The following SLC35A2 variants were observed in gnomAD, a reference collection of about 807,000 sequenced individuals.
SLC35A2 encodes the protein solute carrier family 35 member A2, also known as UDP-galactose translocator.
Under a neutral mutation model 17.3 loss-of-function variants are expected in SLC35A2, and 1 was observed. The observed-to-expected ratio is 0.06, with a 90% CI of 0.02 to 0.27. SLC35A2 has a LOEUF of 0.27. Ranked by LOEUF, SLC35A2 falls within the 10% of genes least tolerant of loss-of-function variation. The pLI is 1.00. For synonymous variants in SLC35A2, 161 were observed against 161.3 expected (o/e 1.00, Z 0.01); for missense variants, 191 against 339.3 (o/e 0.56, Z 3.43).
chrX:48,903,245 G>A lies in SLC35A2; in HGVS notation c.*193C>T. On this transcript the variant is annotated 3_prime_UTR_variant, in exon 5 of 5. Coordinates refer to ENST00000247138, the MANE Select transcript of SLC35A2 (RefSeq NM_005660.3). Reference sequence around the variant, plus strand: ...CTAAGAGATAGTGTGGAGCTGGCAGGGGCTGGGGGGCTGAGCTGAGGTGGG... The same window carrying A: ...CTAAGAGATAGTGTGGAGCTGGCAGAGGCTGGGGGGCTGAGCTGAGGTGGG... 1 of 938,176 alleles carries A rather than the reference G, an allele frequency of 1.1e-6. No individual in the cohort carries two copies. Among genetic ancestry groups the A allele is most frequent in the Non-Finnish European group, 1.5e-6 (1 of 666,765 alleles). 77.3% of individuals were successfully genotyped at this position (938,176 alleles called of 1,213,427 possible).
Position 48,903,410 on chromosome X carries a change from G to T in SLC35A2, c.*28C>A, listed in dbSNP as rs1557042123. 1 of 575,575 alleles carries T rather than the reference G, an allele frequency of 1.7e-6. No homozygotes were observed. The highest frequency in any genetic ancestry group is 2.2e-5 in the South Asian group (1 of 44,664). 47.4% of individuals were successfully genotyped at this position (575,575 alleles called of 1,213,427 possible). ...GCCAAGGGCAAGAAGAGAGAACGAGGCCAGGCCAATGTCTTCAATCCCAGC... is the reference window on the plus strand; with the variant it reads ...GCCAAGGGCAAGAAGAGAGAACGAGTCCAGGCCAATGTCTTCAATCCCAGC... On this transcript the variant is annotated 3_prime_UTR_variant, in exon 5 of 5. Coordinates refer to ENST00000247138, the MANE Select transcript of SLC35A2 (RefSeq NM_005660.3).
chrX:48,905,181 G>A lies in SLC35A2; in HGVS notation c.728C>T (p.Thr243Ile), dbSNP rs1557042835. ...LRNLQLGLFGTALGLVGLWWA... is the reference protein window; with the variant it reads ...LRNLQLGLFGIALGLVGLWWA... ...CCAGAGCCCCACCAGGCCCAGTGCTGTGCCGAAGAGGCCCAGTTGCAGGTT... is the reference window on the plus strand; with the variant it reads ...CCAGAGCCCCACCAGGCCCAGTGCTATGCCGAAGAGGCCCAGTTGCAGGTT... Residue 243 changes from threonine (T) to isoleucine (I), a missense_variant, in exon 4 of 5, where the codon ACA becomes ATA. By Grantham distance (89) the Thr-to-Ile change is moderately conservative. Coordinates refer to ENST00000247138, the MANE Select transcript of SLC35A2 (RefSeq NM_005660.3). The A allele has an allele frequency of 8.3e-7, 1 of 1,209,852 alleles. No homozygotes were observed. The highest frequency in any genetic ancestry group is 1.1e-6 in the Non-Finnish European group (1 of 894,501).
In SLC35A2 at chrX:48,903,225, A is replaced by G; in HGVS notation, c.*213T>C. 3 of 1,046,583 alleles carry G rather than the reference A, an allele frequency of 2.9e-6. No homozygotes were observed. In the Admixed American group the frequency reaches 7.8e-5, roughly 27 times the overall value. 86.3% of individuals were successfully genotyped at this position (1,046,583 alleles called of 1,213,427 possible). A position where few individuals can be genotyped will look rare whatever the true frequency, so the allele number is the denominator to read the frequency against. ...TTTTATTTGCAAAAACTCAGCTAAG[A>G]GATAGTGTGGAGCTGGCAGGGGCTG... is the stretch of plus-strand genomic sequence containing the variant. On this transcript the variant is annotated 3_prime_UTR_variant, in exon 5 of 5. Transcript: ENST00000247138.
chrX:48,911,945 G>A, upstream of SLC35A2: 1 of 1,166,585 alleles, frequency 8.6e-7, no homozygotes. Context: ...GCGCTTTCCA[G>A]ATCATCCCCC....
intron 3 of SLC35A2, 95 bp downstream of exon 3, chrX:48,906,297 C>A (rs1557043077): frequency 2.5e-6 from 2 of 805,600 alleles, no homozygotes; most frequent in Admixed American, 5.2e-5. Flanking sequence ...TGACATAGCC[C>A]CTGTCCTCTG....
intron 3 of SLC35A2, 24 bp from the exon 4 acceptor site, chrX:48,905,506 C>T (rs782765976): frequency 6.2e-6 from 7 of 1,128,232 alleles, no homozygotes; most frequent in African/African-American, 1.8e-5. Flanking sequence ...GTGGAAGGCA[C>T]TGAGGGCTGA....
chrX:48,906,655 A>G lies in SLC35A2; in HGVS notation c.275-112T>C, dbSNP rs782433090. 16 of 658,332 alleles carry G rather than the reference A, an allele frequency of 2.4e-5. 1 individual carries two copies. Among genetic ancestry groups the G allele is most frequent in the Non-Finnish European group, 3.8e-5 (16 of 424,451 alleles). 54.3% of individuals were successfully genotyped at this position (658,332 alleles called of 1,213,427 possible). The stretch of plus-strand genomic sequence containing the variant: ...ACTCCCCCATCCACCCTGCTGTCCA[A>G]TCCCTGGAGGCTGGAATGAAGTATG... On this transcript the variant is annotated intron_variant, in intron 2 of 4. Coordinates refer to ENST00000247138, the MANE Select transcript of SLC35A2 (RefSeq NM_005660.3).
Position 48,904,747 on chromosome X carries a change from T to C in SLC35A2, c.1162A>G (p.Lys388Glu), listed in dbSNP as rs782085139. Residue 388 changes from lysine to glutamate, a missense_variant and splice_region_variant, in exon 4 of 5, where the codon AAG becomes GAG. Coordinates refer to ENST00000247138, the MANE Select transcript of SLC35A2 (RefSeq NM_005660.3). Reference protein sequence around the residue: ...GDLITEPFLPKLLTKVKGS With the variant: ...GDLITEPFLPELLTKVKGS ...AGCCCTCACTTCACCAGCACTGACT[T>C]TGGCAGAAAGGGCTCCGTGATGAGG... The C allele has an allele frequency of 8.3e-7, 1 of 1,211,451 alleles. No homozygotes were observed. The highest frequency in any genetic ancestry group is 1.8e-5 in the South Asian group (1 of 56,942).
Position 48,905,290 on chromosome X carries a change from C to T in SLC35A2, c.619G>A (p.Val207Met), listed in dbSNP as rs782078023. 6 of 1,189,173 alleles carry T rather than the reference C, an allele frequency of 5.0e-6. No individual in the cohort carries two copies. Among genetic ancestry groups the T allele is most frequent in the Non-Finnish European group, 6.8e-6 (6 of 883,924 alleles). Reference sequence around the variant, plus strand: ...AAGCCGGAGGAGAGACAGGAGGCCACGACGGCTGCCAGGCCTGCCCCAGGG... The same window carrying T: ...AAGCCGGAGGAGAGACAGGAGGCCATGACGGCTGCCAGGCCTGCCCCAGGG... The part of the protein sequence containing the change: ...QNPGAGLAAV[V>M]ASCLSSGFAG... Residue 207 changes from valine (V) to methionine (M), a missense_variant, in exon 4 of 5, where the codon GTG becomes ATG. Around this residue, in one of 2 missense-constraint regions of SLC35A2, gnomAD observed 164 missense variants for 315.3 expected, o/e 0.52. Transcript: ENST00000247138.
intron 2 of SLC35A2, among the ~76,000 whole-genome samples, chrX:48,909,064 G>C (rs2063512355): frequency 8.9e-6 from 1 of 112,130 alleles, no homozygotes; most frequent in South Asian, 3.6e-4. Flanking sequence ...CAAAACAAAT[G>C]ACCTGTTTTC....
intron 4 of SLC35A2, 62 bp from the exon 5 acceptor site, chrX:48,903,527 C>T: frequency 1.8e-6 from 1 of 566,046 alleles, no homozygotes; most frequent in Non-Finnish European, 3.2e-6. Flanking sequence ...AGGCGGGTTT[C>T]CTGAGCAAGT....
chrX:48,904,520 G>C, intron 4 of SLC35A2: 2 of 1,141,504 alleles, frequency 1.8e-6, no homozygotes, highest in Non-Finnish European at 2.3e-6. Context: ...CCCCTCCAGG[G>C]GAAGGGGGTC....
At chrX:48,910,360 T>C (rs1406917857) in intron 1 of SLC35A2, 1 of 953,637 alleles carries the variant, frequency 1.0e-6, no homozygotes, top group Non-Finnish European at 1.4e-6. Flanking sequence ...TCCACGTTTA[T>C]TGAGTGTTTA....
rs139669525 is a variant in SLC35A2 at position 48,910,699 on chromosome X, C to T, written c.92-703G>A. ...ATACCCAGAATGGTCTCTCCAACCC[C>T]TCACTCCTGTGACAACTGGTTCCTC... On this transcript the variant is annotated intron_variant, in intron 1 of 4. Coordinates refer to ENST00000247138, the MANE Select transcript of SLC35A2 (RefSeq NM_005660.3). Among the ~76,000 whole-genome samples the T allele has an allele frequency of 2.4e-3, 269 of 110,934 alleles. 1 individual carries two copies. The highest frequency in any genetic ancestry group is 8.5e-3 in the African/African-American group (260 of 30,448).
At chrX:48,903,742 T>C (rs1453665949) in intron 4 of SLC35A2, 20 of 954,264 alleles carry the variant, frequency 2.1e-5, no homozygotes, top group East Asian at 5.1e-5. Flanking sequence ...TATTTACATA[T>C]AGCAAAGACA....
At chrX:48,905,770 G>A (rs1179547417) in intron 3 of SLC35A2, 9 of 330,930 alleles carry the variant, frequency 2.7e-5, no homozygotes, top group Admixed American at 2.2e-4. Context: ...CCCTGTCTGA[G>A]CCCTGGCATC....
chrX:48,903,762 T>G (rs2063462453), intron 4 of SLC35A2: 1 of 939,262 alleles, frequency 1.1e-6, no homozygotes. Flanking sequence ...AGCCCAGGCA[T>G]CTTCCATGCA....
Position 48,903,229 on chromosome X carries a change from AGT to A in SLC35A2, c.*207_*208del. On this transcript the variant is annotated 3_prime_UTR_variant, in exon 5 of 5. Coordinates refer to ENST00000247138, the MANE Select transcript of SLC35A2 (RefSeq NM_005660.3). ...ATTTGCAAAAACTCAGCTAAGAGAT[AGT>A]GTGGAGCTGGCAGGGGCTGGGGGGC... The A allele has an allele frequency of 9.7e-7, 1 of 1,027,233 alleles. No homozygotes were observed. Among genetic ancestry groups the A allele is most frequent in the African/African-American group, 1.9e-5 (1 of 53,553 alleles). The allele number at this position is 1,027,233 out of a possible 1,213,427, so 84.7% of individuals were successfully genotyped here. A position where few individuals can be genotyped will look rare whatever the true frequency, so the allele number is the denominator to read the frequency against.
In SLC35A2 at chrX:48,904,853, A is replaced by G. The variant is rs56111636; in HGVS notation, c.1056T>C (p.Ser352=). The G allele has an allele frequency of 3.5e-4, 420 of 1,210,159 alleles. 4 individuals carry two copies. In the East Asian group the frequency reaches 0.01, roughly 30 times the overall value. The change falls in exon 4 of 5, where the codon TCT becomes TCC. Residue 352 remains serine, a synonymous_variant. Coordinates refer to ENST00000247138, the MANE Select transcript of SLC35A2 (RefSeq NM_005660.3). ...RGAAKAIASA[S]ASASGPCVHQ... ...GAACGCAGGGCCCGGAGGCGGAGGC[A>G]GAGGCAGAGGCTATGGCTTTGGCTG...
Sources: allele counts gnomAD v4.1 joint callset (sites outside exome capture counted in the v4.1 genomes callset), GRCh38; gene constraint gnomAD v4.1.1; regional missense constraint gnomAD v4.1.1; transcripts MANE v1.5; gene names NCBI Gene and HGNC (gene_info 2026-07-23, HGNC 2026-07-21).